Variants in CCDC112 observed in about 807,000 individuals in gnomAD.
CCDC112 encodes the protein coiled-coil domain containing 112.
A neutral mutation model predicts 66.3 loss-of-function variants in CCDC112; 40 were observed. That is an observed-to-expected ratio of 0.60 (90% confidence interval 0.47 to 0.79). CCDC112 has a LOEUF of 0.79. Ranked by LOEUF, CCDC112 falls within the 30% of genes least tolerant of loss-of-function variation. The pLI is 0.00. For missense variants in CCDC112, 659 were observed against 603.8 expected (o/e 1.09, Z -0.96); for synonymous variants, 214 against 197.2 (o/e 1.09, Z -0.71).
At chr5:115,292,663 C>T (rs1227382663) in intron 1 of CCDC112, among the ~76,000 whole-genome samples, 2 of 152,176 alleles carry the variant, frequency 1.3e-5, no homozygotes, top group Non-Finnish European at 2.9e-5. Flanking sequence ...TTTGTTTGGT[C>T]ACTTTAAACT....
At chr5:115,274,613 A>C (rs998698582) in intron 6 of CCDC112, among the ~76,000 whole-genome samples, 4 of 152,334 alleles carry the variant, frequency 2.6e-5, no homozygotes, top group Admixed American at 1.3e-4. Flanking sequence ...CATTTCTGAG[A>C]AGTGGATACG....
Position 115,279,684 on chromosome 5 carries a change from T to C in CCDC112, c.324A>G (p.Glu108=). ...DFRIEHSMLE[E]LENKLIHSRK... ...TGCTGTGAATCAATTTATTTTCCAATTCTTCTAGCATACTATGCTCAATTC... is the reference window on the plus strand; with the variant it reads ...TGCTGTGAATCAATTTATTTTCCAACTCTTCTAGCATACTATGCTCAATTC... The change falls in exon 3 of 10, where the codon GAA becomes GAG. Residue 108 remains glutamate (E), a synonymous_variant. Coordinates refer to ENST00000379611, the MANE Select transcript of CCDC112 (RefSeq NM_001040440.3). 6.2e-7 allele frequency: 1 copy of C among 1,611,666 alleles called. No individual in the cohort carries two copies. Among genetic ancestry groups the C allele is most frequent in the Non-Finnish European group, 8.5e-7 (1 of 1,178,692 alleles).
chr5:115,292,376 G>GTCTATTTCT (rs75185681), intron 1 of CCDC112, among the ~76,000 whole-genome samples: 30,590 of 152,002 alleles, frequency 0.2, 3,500 homozygotes, highest in Middle Eastern at 0.37. Flanking sequence ...TTTCTTTAAA[G>GTCTATTTCT]ATTTCTATTT....
At chr5:115,285,143 G>T (rs1451297626) in intron 1 of CCDC112, among the ~76,000 whole-genome samples, 1 of 152,134 alleles carries the variant, frequency 6.6e-6, no homozygotes, top group Non-Finnish European at 1.5e-5. Context: ...GGGATTATTT[G>T]CAAAATGATC....
intron 1 of CCDC112, among the ~76,000 whole-genome samples, chr5:115,288,410 C>T (rs1441979329): frequency 3.9e-5 from 6 of 152,198 alleles, no homozygotes; most frequent in African/African-American, 1.4e-4. Context: ...CAGCAACTCA[C>T]AATTTAATAC....
chr5:115,275,962 T>C, intron 5 of CCDC112, 32 bp downstream of exon 5: 1 of 1,441,052 alleles, frequency 6.9e-7, no homozygotes, highest in Non-Finnish European at 9.6e-7. Context: ...TAAAGGTCAA[T>C]AATTTTATAT....
In CCDC112 at chr5:115,271,575, T is replaced by C. The variant is rs1408004889; in HGVS notation, c.970A>G (p.Lys324Glu). Residue 324 changes from lysine to glutamate, a missense_variant, in exon 7 of 10, where the codon AAG (lysine) becomes GAG (glutamate). By Grantham distance (56) the Lys-to-Glu change is moderately conservative (BLOSUM62 1). Transcript: ENST00000379611. ...GTGTTGTCTGCCTTTTCCTTTAACT[T>C]GAAAATTTCCTCCCTTTTTTGCTGC... ...KKQQKREEIF[K>E]LKEKADNTPV... is the part of the protein sequence containing the mutation. 8.3e-6 allele frequency: 13 copies of C among 1,562,732 alleles called. No individual in the cohort carries two copies. The highest frequency in any genetic ancestry group is 1.1e-5 in the Non-Finnish European group (13 of 1,162,082).
At chr5:115,289,563 C>G (rs1749832721) in intron 1 of CCDC112, among the ~76,000 whole-genome samples, 1 of 152,140 alleles carries the variant, frequency 6.6e-6, no homozygotes, top group Middle Eastern at 3.2e-3. Flanking sequence ...GGATGCTGCC[C>G]CAATTCATGA....
At chr5:115,269,122 T>C (rs1748895961) in intron 8 of CCDC112, 122 bp from the exon 9 acceptor site, 1 of 499,760 alleles carries the variant, frequency 2.0e-6, no homozygotes, top group African/African-American at 2.0e-5. Flanking sequence ...AAACCATTAA[T>C]AACCTCAGTA....
intron 1 of CCDC112, among the ~76,000 whole-genome samples, chr5:115,290,767 T>C (rs1442035146): frequency 6.6e-6 from 1 of 152,164 alleles, no homozygotes; most frequent in Non-Finnish European, 1.5e-5. Context: ...TTTTCTTAAT[T>C]TCATTTTTGA....
intron 1 of CCDC112, among the ~76,000 whole-genome samples, chr5:115,289,903 A>C (rs1013344812): frequency 6.6e-6 from 1 of 152,098 alleles, no homozygotes; most frequent in African/African-American, 2.4e-5. Flanking sequence ...AGCTGGTCTC[A>C]AACTCCTGGC....
chr5:115,296,130 C>T, intron 1 of CCDC112: 1 of 1,129,620 alleles, frequency 8.9e-7, no homozygotes, highest in Non-Finnish European at 1.1e-6. Flanking sequence ...GTTACTATTC[C>T]CAATTTTTAG....
chr5:115,290,034 C>A (rs996469782), intron 1 of CCDC112, among the ~76,000 whole-genome samples: 2 of 152,176 alleles, frequency 1.3e-5, no homozygotes, highest in Non-Finnish European at 2.9e-5. Flanking sequence ...TCTATTTAGT[C>A]TTTGGCTACT....
chr5:115,275,136 T>A (rs1044869222), intron 6 of CCDC112, 80 bp downstream of exon 6: 6 of 1,075,078 alleles, frequency 5.6e-6, no homozygotes, highest in Non-Finnish European at 6.6e-6. Context: ...TGCTGTAAAG[T>A]TAATGAGACA....
intron 9 of CCDC112, among the ~76,000 whole-genome samples, chr5:115,268,229 T>C (rs956396340): frequency 9.2e-5 from 14 of 152,352 alleles, no homozygotes; most frequent in Admixed American, 2.0e-4. Flanking sequence ...AAATGGCATC[T>C]ACTAACATGA....
intron 1 of CCDC112, among the ~76,000 whole-genome samples, chr5:115,286,049 G>A (rs568783368): frequency 1.3e-5 from 2 of 152,278 alleles, no homozygotes; most frequent in South Asian, 4.1e-4. Flanking sequence ...AAGTCAAAAT[G>A]TAATTCACAG....
chr5:115,284,776 C>A lies in CCDC112; in HGVS notation c.239+11G>T. On this transcript the variant is annotated intron_variant, in intron 2 of 9. Coordinates refer to ENST00000379611, the MANE Select transcript of CCDC112 (RefSeq NM_001040440.3). ...AGTAATGTTATTTGAAGATTATATT[C>A]TTATACTTACTGATTTTTAAATTTT... 1 of 1,584,370 alleles carries A rather than the reference C, an allele frequency of 6.3e-7. No individual in the cohort carries two copies. Among genetic ancestry groups the A allele is most frequent in the South Asian group, 1.1e-5 (1 of 90,088 alleles).
intron 2 of CCDC112, among the ~76,000 whole-genome samples, chr5:115,282,004 C>T (rs1179918258): frequency 6.6e-6 from 1 of 152,000 alleles, no homozygotes; most frequent in East Asian, 1.9e-4. Flanking sequence ...GGAATTTATC[C>T]TGAAGATATA....
intron 1 of CCDC112, among the ~76,000 whole-genome samples, chr5:115,285,595 G>T (rs1749642028): frequency 6.6e-6 from 1 of 152,082 alleles, no homozygotes; most frequent in Non-Finnish European, 1.5e-5. Context: ...TAACGGTGTG[G>T]ATCTTGGTAG....
Sources: allele counts gnomAD v4.1 joint callset (sites outside exome capture counted in the v4.1 genomes callset), GRCh38; gene constraint gnomAD v4.1.1; transcripts MANE v1.5; gene names NCBI Gene and HGNC (gene_info 2026-07-23, HGNC 2026-07-21).